SLC37A2: variants seen among roughly 807,000 people sequenced by gnomAD.
SLC37A2 encodes the protein glucose-6-phosphate exchanger SLC37A2.
SLC37A2 carries 59 observed loss-of-function variants against 70.7 expected under a neutral mutation model. The observed-to-expected ratio is 0.83, with a 90% CI of 0.68 to 1.04. The LOEUF (loss-of-function observed/expected upper bound fraction) is 1.04. SLC37A2 is among the 50% of genes least tolerant of loss of function. SLC37A2 has a pLI of 0.00. For synonymous variants in SLC37A2, 257 were observed against 262.1 expected (o/e 0.98, Z 0.19); for missense variants, 580 against 658.1 (o/e 0.88, Z 1.30).
chr11:125,077,222 C>A lies in SLC37A2; in HGVS notation c.142-8C>A. 2 of 1,572,258 alleles carry A rather than the reference C, an allele frequency of 1.3e-6. No individual in the cohort carries two copies. Among genetic ancestry groups the A allele is most frequent in the Admixed American group, 1.8e-5 (1 of 54,290 alleles). On this transcript the variant is annotated splice_region_variant and splice_polypyrimidine_tract_variant and intron_variant, in intron 2 of 17. Transcript: ENST00000403796. Reference sequence around the variant, plus strand: ...ACCCCTGACCTGTATGTCCCATTGCCTATCCAGAGCCGTCTGCACCAGAAC... The same window carrying A: ...ACCCCTGACCTGTATGTCCCATTGCATATCCAGAGCCGTCTGCACCAGAAC...
intron 1 of SLC37A2, among the ~76,000 whole-genome samples, chr11:125,067,410 T>C (rs1948992990): frequency 6.6e-6 from 1 of 152,214 alleles, no homozygotes; most frequent in Non-Finnish European, 1.5e-5. Context: ...AGAGAGGGCA[T>C]TGAGAAGTCT....
intron 4 of SLC37A2, 80 bp downstream of exon 4, chr11:125,077,608 C>A: frequency 8.9e-7 from 1 of 1,117,438 alleles, no homozygotes; most frequent in Non-Finnish European, 1.3e-6. Flanking sequence ...CTGGGGGCAG[C>A]TGGGAATGAG....
intron 4 of SLC37A2, 100 bp from the exon 5 acceptor site, chr11:125,079,012 G>A: frequency 6.6e-7 from 1 of 1,509,612 alleles, no homozygotes; most frequent in African/African-American, 1.4e-5. Context: ...GTGGGACCTT[G>A]GCCAGAGCCA....
At chr11:125,076,119 G>A (rs1012948638) in intron 1 of SLC37A2, among the ~76,000 whole-genome samples, 4 of 152,114 alleles carry the variant, frequency 2.6e-5, no homozygotes, top group South Asian at 2.1e-4. Context: ...GGGATGAGAC[G>A]TGAGGGGTGA....
chr11:125,081,610 A>G (rs1949151091), intron 8 of SLC37A2, 144 bp from the exon 9 acceptor site: 4 of 1,386,226 alleles, frequency 2.9e-6, no homozygotes, highest in Admixed American at 4.9e-5. Context: ...CTACAGCCTG[A>G]TGAGTCTGGC....
chr11:125,067,661 T>C (rs909770427), intron 1 of SLC37A2, among the ~76,000 whole-genome samples: 1 of 152,210 alleles, frequency 6.6e-6, no homozygotes, highest in African/African-American at 2.4e-5. Context: ...AAATTAAATA[T>C]TCACAAACTT....
In SLC37A2 at chr11:125,086,004, G is replaced by T; in HGVS notation, c.1476G>T (p.Leu492=). 6.2e-7 allele frequency: 1 copy of T among 1,614,168 alleles called. No homozygotes were observed. The stretch of plus-strand genomic sequence containing the variant: ...AGATCTTGGCCTGGAAGGTGTCCCT[G>T]AGCAGAGGCAGCGGGTGAGTCCGGG... ...YKEILAWKVS[L]SRGSGYKEI is the part of the protein sequence containing the mutation. Residue 492 remains leucine (L), a synonymous_variant, in exon 17 of 18, where the codon CTG becomes CTT. Coordinates refer to ENST00000403796, the MANE Select transcript of SLC37A2 (RefSeq NM_001145290.2).
chr11:125,077,275 G>A lies in SLC37A2; in HGVS notation c.187G>A (p.Asp63Asn). Residue 63 changes from aspartate (D) to asparagine (N), a missense_variant, in exon 3 of 18, where the codon GAT becomes AAT. Transcript: ENST00000403796. ...NCSEQIKPIN[D>N]THSLNDTMWC... The stretch of plus-strand genomic sequence containing the variant: ...CTCGGAGCAGATCAAACCCATCAAT[G>A]ATACTCACAGTCTCAATGACACCAT... 1 of 1,608,530 alleles carries A rather than the reference G, an allele frequency of 6.2e-7. No homozygotes were observed. Among genetic ancestry groups the A allele is most frequent in the Non-Finnish European group, 8.5e-7 (1 of 1,177,176 alleles).
chr11:125,086,119 C>T (rs1163427415), intron 17 of SLC37A2, 101 bp downstream of exon 17: 6 of 1,534,358 alleles, frequency 3.9e-6, no homozygotes, highest in Non-Finnish European at 5.4e-6. Context: ...GCTCGACCAG[C>T]CCAGACCTGA....
rs150490610 is a variant in SLC37A2 at position 125,077,551 on chromosome 11, TGACCAA to T, written c.314+26_314+31del. 1.8e-3 allele frequency: 2,864 copies of T among 1,600,508 alleles called. 80 individuals carry two copies. The East Asian group carries it at 0.061, about 34-fold the overall frequency. ...CAGGTAAGGACAGAGGCTGAGCCTA[TGACCAA>T]GAGGAGGATGGTTTAGAGCTGCTAC... is the stretch of plus-strand genomic sequence containing the variant. On this transcript the variant is annotated intron_variant, in intron 4 of 17. Coordinates refer to ENST00000403796, the MANE Select transcript of SLC37A2 (RefSeq NM_001145290.2).
At position 125,080,557 on chromosome 11, in the gene SLC37A2, A is replaced by T; in HGVS notation, c.528-57A>T. 1.4e-6 allele frequency: 2 copies of T among 1,394,534 alleles called. No homozygotes were observed. Among genetic ancestry groups the T allele is most frequent in the South Asian group, 3.6e-5 (2 of 56,306 alleles). 86.4% of individuals were successfully genotyped at this position (1,394,534 alleles called of 1,614,324 possible). A position where few individuals can be genotyped will look rare whatever the true frequency, so the allele number is the denominator to read the frequency against. On this transcript the variant is annotated intron_variant, in intron 6 of 17. Transcript: ENST00000403796. This position sits in a 1 kb window ranked among gnomAD's most constrained non-coding sequence, Gnocchi z 4.3. ...AGCTTGGCTGGGGCAGTTGCTATGA[A>T]CAATGTGCTTTGCTTTTTACTTTTT...
Position 125,083,978 on chromosome 11 carries a change from G to A in SLC37A2, c.1039+101G>A. 2.5e-6 allele frequency: 3 copies of A among 1,210,174 alleles called. No homozygotes were observed. In the South Asian group the frequency reaches 3.8e-5, roughly 15 times the overall value. 75.0% of individuals were successfully genotyped at this position (1,210,174 alleles called of 1,614,324 possible). Reference sequence around the variant, plus strand: ...CCGATGGGCTATGACCTGGGTAGGTGGCACCAGAGGAAAAATGGCTCCTGG... The same window carrying A: ...CCGATGGGCTATGACCTGGGTAGGTAGCACCAGAGGAAAAATGGCTCCTGG... On this transcript the variant is annotated intron_variant, in intron 11 of 17. Coordinates refer to ENST00000403796, the MANE Select transcript of SLC37A2 (RefSeq NM_001145290.2). This position sits in a 1 kb window ranked among gnomAD's most constrained non-coding sequence, Gnocchi z 4.6.
At chr11:125,077,670 C>T (rs1197965315) in intron 4 of SLC37A2, 142 bp downstream of exon 4, 27 of 633,680 alleles carry the variant, frequency 4.3e-5, no homozygotes, top group Non-Finnish European at 6.4e-5. Context: ...CTTGCCTTAC[C>T]GCGGTCGCAG....
At chr11:125,087,789 C>T (rs951504822) in intron 17 of SLC37A2, 26 of 223,530 alleles carry the variant, frequency 1.2e-4, no homozygotes, top group African/African-American at 4.9e-4. Context: ...TGCGCCACCA[C>T]GCCCGGCTAA....
chr11:125,081,917 T>C lies in SLC37A2; in HGVS notation c.885+11T>C. On this transcript the variant is annotated intron_variant, in intron 9 of 17. Coordinates refer to ENST00000403796, the MANE Select transcript of SLC37A2 (RefSeq NM_001145290.2). ...GCGCTCCGGATCCCAGTAAGAAGTT[T>C]GTGGAATGGAGGAAAGAGAGGGGCT... 6.3e-7 allele frequency: 1 copy of C among 1,595,930 alleles called. No homozygotes were observed. The highest frequency in any genetic ancestry group is 1.3e-5 in the African/African-American group (1 of 74,110).
chr11:125,070,146 G>A lies in SLC37A2; in HGVS notation c.60-6611G>A, dbSNP rs532485560. Among the ~76,000 whole-genome samples, 385 of 152,292 alleles carry A rather than the reference G, an allele frequency of 2.5e-3. 1 individual carries two copies. Among genetic ancestry groups the A allele is most frequent in the Admixed American group, 7.7e-3 (118 of 15,298 alleles). ...GCAGGAATGGGCAGGAGGGTGAATT[G>A]GGCAGGCAGGAAGAGCAGGAGCTGT... On this transcript the variant is annotated intron_variant, in intron 1 of 17. Coordinates refer to ENST00000403796, the MANE Select transcript of SLC37A2 (RefSeq NM_001145290.2).
intron 1 of SLC37A2, among the ~76,000 whole-genome samples, chr11:125,064,337 C>G (rs992582033): frequency 6.6e-6 from 1 of 151,838 alleles, no homozygotes; most frequent in Admixed American, 6.6e-5. Context: ...CTCCATTCCC[C>G]CCTCACACCC....
At chr11:125,086,147 C>T in intron 17 of SLC37A2, 129 bp downstream of exon 17, 3 of 1,548,378 alleles carry the variant, frequency 1.9e-6, no homozygotes, top group Non-Finnish European at 2.7e-6. Context: ...TGAGCCAGTC[C>T]CTGGGTGGCC....
chr11:125,086,226 C>T, intron 17 of SLC37A2: 1 of 1,613,132 alleles, frequency 6.2e-7, no homozygotes, highest in Non-Finnish European at 8.5e-7. Context: ...CCTAACCCAC[C>T]AGTGATAGTA....
Sources: gnomAD v4.1 joint callset for allele counts (sites outside exome capture counted in the v4.1 genomes callset) on GRCh38, gnomAD v4.1.1 for gene constraint, Gnocchi (gnomAD v3.1) non-coding constraint, MANE v1.5 for transcripts, NCBI Gene and HGNC (gene_info 2026-07-23, HGNC 2026-07-21) for gene names.